Variants in LAMP3 observed in about 807,000 individuals in gnomAD.
The protein encoded by LAMP3 is lysosome associated membrane protein 3.
In LAMP3, 26 loss-of-function variants were observed where a neutral mutation model predicts 34.8. The observed-to-expected ratio is 0.75, with a 90% CI of 0.55 to 1.04. LAMP3 has a LOEUF of 1.04. Among genes scored for constraint, LAMP3 ranks in the 50% least tolerant of loss-of-function variants. LAMP3 has a pLI of 0.00. For synonymous variants in LAMP3, 180 were observed against 201.9 expected, an observed-to-expected ratio of 0.89 and a Z score of 0.92; for missense variants, 495 against 524.0, an observed-to-expected ratio of 0.94 and a Z score of 0.54.
At chr3:183,135,494 G>A (rs541829321) in intron 5 of LAMP3, among the ~76,000 whole-genome samples, 10 of 152,282 alleles carry the variant, frequency 6.6e-5, no homozygotes, top group African/African-American at 2.4e-4. Flanking sequence ...TGCGTGAGTC[G>A]AAGAGAGTGC....
intron 1 of LAMP3, among the ~76,000 whole-genome samples, chr3:183,157,602 G>GAGACTAGAA (rs1720858212): frequency 6.6e-6 from 1 of 152,128 alleles, no homozygotes; most frequent in African/African-American, 2.4e-5. Flanking sequence ...AGACCTCCAG[G>GAGACTAGAA]AGACTAGAAA....
upstream of LAMP3, among the ~76,000 whole-genome samples, chr3:183,163,392 G>A (rs1412647680): frequency 6.6e-6 from 1 of 151,572 alleles, no homozygotes; most frequent in East Asian, 1.9e-4. Context: ...CCTGGTTCAA[G>A]CGATTCTCCT....
intron 3 of LAMP3, among the ~76,000 whole-genome samples, chr3:183,149,574 AATATATATATATATATAT>A (rs765127504): frequency 4.3e-4 from 14 of 32,626 alleles, no homozygotes; most frequent in South Asian, 1.7e-3. Flanking sequence ...AAAAAAAAAA[AATATATATATATATATAT>A]ATATATATAT....
At chr3:183,125,244 CAT>C (rs2108593590) in intron 5 of LAMP3, among the ~76,000 whole-genome samples, 1 of 152,250 alleles carries the variant, frequency 6.6e-6, no homozygotes, top group African/African-American at 2.4e-5. Context: ...TAAAAAGATA[CAT>C]GTGTGAGGTC....
intron 4 of LAMP3, among the ~76,000 whole-genome samples, chr3:183,136,256 C>T (rs1191912811): frequency 1.3e-5 from 2 of 152,202 alleles, no homozygotes; most frequent in Admixed American, 6.5e-5. Flanking sequence ...AGATTGCTTT[C>T]TGAGACTTAG....
intron 1 of LAMP3, among the ~76,000 whole-genome samples, chr3:183,161,590 C>T (rs7619018): frequency 0.02 from 2,991 of 151,910 alleles, 123 homozygotes; most frequent in African/African-American, 0.068. Flanking sequence ...GGGGTTTCAC[C>T]GGTGGCCAGG....
In LAMP3 at chr3:183,152,455, C is replaced by G; in HGVS notation, c.808G>C (p.Ala270Pro). The change falls in exon 3 of 6, where the codon GCC (alanine) becomes CCC (proline). Residue 270 changes from alanine to proline, a missense_variant. Transcript: ENST00000265598. ...TTTCGGGTGCCACAGTTCCCAGAGGCTTGCGTTGCGTTGGGGTCGATGTTG... is the reference window on the plus strand; with the variant it reads ...TTTCGGGTGCCACAGTTCCCAGAGGGTTGCGTTGCGTTGGGGTCGATGTTG... The part of the protein sequence containing the change: ...YFNIDPNATQ[A>P]SGNCGTRKSN... 1 of 1,613,128 alleles carries G rather than the reference C, an allele frequency of 6.2e-7. No individual in the cohort carries two copies. The highest frequency in any genetic ancestry group is 8.5e-7 in the Non-Finnish European group (1 of 1,179,622).
intron 4 of LAMP3, among the ~76,000 whole-genome samples, chr3:183,136,213 G>T (rs947230620): frequency 6.6e-6 from 1 of 152,220 alleles, no homozygotes; most frequent in Non-Finnish European, 1.5e-5. Flanking sequence ...GGGGGCTACA[G>T]AGAGGCGCCT....
intron 1 of LAMP3, among the ~76,000 whole-genome samples, chr3:183,155,801 T>C (rs1720805966): frequency 6.6e-6 from 1 of 152,170 alleles, no homozygotes; most frequent in Non-Finnish European, 1.5e-5. Flanking sequence ...CAGTGTTCAG[T>C]AAATATGGGT....
At chr3:183,150,195 C>A (rs1455113474) in intron 3 of LAMP3, among the ~76,000 whole-genome samples, 2 of 152,150 alleles carry the variant, frequency 1.3e-5, no homozygotes, top group African/African-American at 4.8e-5. Flanking sequence ...ATTTCCTGCC[C>A]CTACCCTTGG....
chr3:183,130,632 A>G (rs553195810), intron 5 of LAMP3, among the ~76,000 whole-genome samples: 3 of 151,970 alleles, frequency 2.0e-5, no homozygotes, highest in Admixed American at 1.3e-4. Context: ...TGCATCTGAG[A>G]TCAGTTAATG....
chr3:183,124,418 G>A lies in LAMP3; in HGVS notation c.1118-204C>T, dbSNP rs573069595. Among the ~76,000 whole-genome samples the A allele has an allele frequency of 8.1e-4, 123 of 152,316 alleles. 4 individuals are homozygous for A. In the South Asian group the frequency reaches 0.024, roughly 29 times the overall value. On this transcript the variant is annotated intron_variant, in intron 5 of 5. Transcript: ENST00000265598. ...AAGTAAGCAAATAATATGTAAGACT[G>A]TCAGAAGATTAAATAACCATATTTT...
At chr3:183,149,443 G>A (rs1720545898) in intron 3 of LAMP3, among the ~76,000 whole-genome samples, 1 of 150,292 alleles carries the variant, frequency 6.7e-6, no homozygotes, top group Non-Finnish European at 1.5e-5. Context: ...TACTTGGGAG[G>A]CTGAGGCAGG....
intron 1 of LAMP3, among the ~76,000 whole-genome samples, chr3:183,157,773 A>G (rs961096108): frequency 9.2e-5 from 14 of 152,214 alleles, no homozygotes; most frequent in African/African-American, 3.1e-4. Context: ...CTTCCTCAAG[A>G]TGCAACTAGA....
intron 5 of LAMP3, chr3:183,132,163 C>A: frequency 1.0e-6 from 1 of 985,254 alleles, no homozygotes; most frequent in Non-Finnish European, 1.2e-6. Context: ...GAAGGGCTAA[C>A]ATTTATTGAG....
intron 5 of LAMP3, among the ~76,000 whole-genome samples, chr3:183,129,505 CTCAG>C (rs1350096768): frequency 1.3e-5 from 2 of 152,044 alleles, no homozygotes; most frequent in African/African-American, 4.8e-5. Context: ...CTGTAATGAT[CTCAG>C]TCATTCTCTC....
Position 183,122,678 on chromosome 3 carries a change from T to A in LAMP3, c.*1403A>T, listed in dbSNP as rs150404873. 2 of 152,348 alleles carry A rather than the reference T, an allele frequency of 1.3e-5. No homozygotes were observed. Among genetic ancestry groups the A allele is most frequent in the East Asian group, 3.8e-4 (2 of 5,196 alleles). 9.4% of individuals were successfully genotyped at this position (152,348 alleles called of 1,614,324 possible). A position where few individuals can be genotyped will look rare whatever the true frequency, so the allele number is the denominator to read the frequency against. Reference sequence around the variant, plus strand: ...ATAAAAATGAGCAACTGACTAATGTTTTACAAAGCCCCTCAGTCTCCTTCC... The same window carrying A: ...ATAAAAATGAGCAACTGACTAATGTATTACAAAGCCCCTCAGTCTCCTTCC... On this transcript the variant is annotated 3_prime_UTR_variant, in exon 6 of 6. Transcript: ENST00000265598.
intron 4 of LAMP3, among the ~76,000 whole-genome samples, chr3:183,138,660 C>A (rs1162560752): frequency 6.6e-6 from 1 of 152,178 alleles, no homozygotes; most frequent in Non-Finnish European, 1.5e-5. Context: ...CTCCACACAA[C>A]AACCAAAGTG....
rs953121476 is a variant in LAMP3 at position 183,152,513 on chromosome 3, G to C, written c.760-10C>G. ...TCCGAGGTGAAAAAACCTAAATCAAGTTAGATAGATCAGCTAAATGAGATG... is the reference window on the plus strand; with the variant it reads ...TCCGAGGTGAAAAAACCTAAATCAACTTAGATAGATCAGCTAAATGAGATG... On this transcript the variant is annotated splice_polypyrimidine_tract_variant and intron_variant, in intron 2 of 5. Transcript: ENST00000265598. The C allele has an allele frequency of 1.5e-5, 24 of 1,604,098 alleles. No individual in the cohort carries two copies. Among genetic ancestry groups the C allele is most frequent in the Non-Finnish European group, 1.8e-5 (21 of 1,176,048 alleles).
Sources: gnomAD v4.1 joint callset for allele counts (sites outside exome capture counted in the v4.1 genomes callset) on GRCh38, gnomAD v4.1.1 for gene constraint, MANE v1.5 for transcripts, NCBI Gene and HGNC (gene_info 2026-07-23, HGNC 2026-07-21) for gene names.